NBEAL1: variants seen among roughly 807,000 people sequenced by gnomAD.
NBEAL1 encodes neurobeachin-like protein 1.
Under a neutral mutation model 351.3 loss-of-function variants are expected in NBEAL1, and 273 were observed. That is an observed-to-expected ratio of 0.78 (90% confidence interval 0.70 to 0.86). The LOEUF is 0.86. Among genes scored for constraint, NBEAL1 ranks in the 40% least tolerant of loss-of-function variants. NBEAL1 has a pLI of 0.00. For missense variants in NBEAL1, 2,961 were observed against 3,201.3 expected (o/e 0.92, Z 1.81); for synonymous variants, 1,050 against 1,086.4 (o/e 0.97, Z 0.66).
intron 4 of NBEAL1, among the ~76,000 whole-genome samples, chr2:203,052,688 C>G (rs1240275033): frequency 6.6e-6 from 1 of 151,978 alleles, no homozygotes; most frequent in Non-Finnish European, 1.5e-5. Flanking sequence ...CTCTGAGTAG[C>G]TGAGACTACA....
chr2:203,076,167 G>A (rs2061767905), intron 7 of NBEAL1, among the ~76,000 whole-genome samples: 1 of 152,068 alleles, frequency 6.6e-6, no homozygotes, highest in African/African-American at 2.4e-5. Context: ...AAATGAATTA[G>A]GCAGGTGTAT....
At chr2:203,068,750 A>G (rs1196989387) in intron 7 of NBEAL1, among the ~76,000 whole-genome samples, 1 of 151,968 alleles carries the variant, frequency 6.6e-6, no homozygotes, top group Non-Finnish European at 1.5e-5. Flanking sequence ...TTTTTTTGAG[A>G]CGAAGTCACA....
intron 45 of NBEAL1, 84 bp from the exon 46 acceptor site, chr2:203,190,193 CACACACACACACACA>C (rs2065029209): frequency 7.0e-6 from 3 of 427,596 alleles, no homozygotes; most frequent in Non-Finnish European, 1.3e-5. Flanking sequence ...CACACACACA[CACACACACACACACA>C]CCAATGAGCC....
intron 16 of NBEAL1, among the ~76,000 whole-genome samples, chr2:203,112,809 C>T (rs1427627049): frequency 2.0e-5 from 3 of 152,136 alleles, no homozygotes; most frequent in Non-Finnish European, 4.4e-5. Flanking sequence ...CATCCAAATG[C>T]TATAGGCCAA....
intron 3 of NBEAL1, among the ~76,000 whole-genome samples, chr2:203,046,401 T>G (rs1254669559): frequency 2.0e-5 from 3 of 151,996 alleles, no homozygotes; most frequent in Non-Finnish European, 4.4e-5. Flanking sequence ...GTATTTTTAG[T>G]AGACATGGGG....
intron 16 of NBEAL1, 82 bp from the exon 17 acceptor site, chr2:203,112,933 G>A (rs1419463180): frequency 8.3e-7 from 1 of 1,204,760 alleles, no homozygotes; most frequent in East Asian, 2.8e-5. Context: ...GTAATTTTAT[G>A]TACTATTTTA....
In NBEAL1 at chr2:203,128,683, C is replaced by T. The variant is rs1466925079; in HGVS notation, c.3405+746C>T. Among the ~76,000 whole-genome samples the T allele has an allele frequency of 4.6e-5, 7 of 150,652 alleles. No individual in the cohort carries two copies. In the East Asian group the frequency reaches 5.9e-4, roughly 13 times the overall value. ...CACAATCTCGGCTCACTGCAACCTCCGCCTCCCAGGTTCAAGTGATTCTCC... is the reference window on the plus strand; with the variant it reads ...CACAATCTCGGCTCACTGCAACCTCTGCCTCCCAGGTTCAAGTGATTCTCC... On this transcript the variant is annotated intron_variant, in intron 24 of 55. Transcript: ENST00000683969.
intron 31 of NBEAL1, among the ~76,000 whole-genome samples, chr2:203,141,984 G>C (rs2063394047): frequency 6.6e-6 from 1 of 152,228 alleles, no homozygotes; most frequent in East Asian, 1.9e-4. Context: ...TCATTTAGTT[G>C]TATATAGTGT....
intron 40 of NBEAL1, 58 bp from the exon 41 acceptor site, chr2:203,172,671 T>C: frequency 6.7e-7 from 1 of 1,494,082 alleles, no homozygotes; most frequent in Non-Finnish European, 9.1e-7. Context: ...ATATTAGATA[T>C]GAGGATATTA....
At chr2:203,105,426 C>T (rs2062414817) in intron 12 of NBEAL1, among the ~76,000 whole-genome samples, 1 of 151,718 alleles carries the variant, frequency 6.6e-6, no homozygotes, top group African/African-American at 2.4e-5. Context: ...GATCGCGCCA[C>T]TGCACTCCAG....
chr2:203,023,229 A>G (rs2060797302), intron 2 of NBEAL1, among the ~76,000 whole-genome samples: 1 of 152,196 alleles, frequency 6.6e-6, no homozygotes, highest in African/African-American at 2.4e-5. Flanking sequence ...TTTAAGCCAC[A>G]TTTAGTAAGT....
At chr2:203,021,787 C>T (rs951454341) in intron 2 of NBEAL1, among the ~76,000 whole-genome samples, 1 of 151,828 alleles carries the variant, frequency 6.6e-6, no homozygotes, top group Non-Finnish European at 1.5e-5. Flanking sequence ...CAGTGGCTCA[C>T]GCCTGTAATC....
intron 37 of NBEAL1, 120 bp from the exon 38 acceptor site, chr2:203,167,107 A>G (rs1490785533): frequency 2.3e-6 from 2 of 866,780 alleles, no homozygotes; most frequent in Admixed American, 2.6e-5. Flanking sequence ...AATGGTTTAT[A>G]TAGTACAGAA....
At chr2:203,155,802 AC>A (rs2063784373) in intron 35 of NBEAL1, among the ~76,000 whole-genome samples, 1 of 151,858 alleles carries the variant, frequency 6.6e-6, no homozygotes, top group South Asian at 2.1e-4. Flanking sequence ...TTTTATACCA[AC>A]TTTTAGTCTT....
chr2:203,110,160 G>C lies in NBEAL1; in HGVS notation c.1960G>C (p.Gly654Arg). Reference sequence around the variant, plus strand: ...ACGTATTTTTTTTAGTTTTTTTACAGGAAGTGGCATGGGTTTTGAAGCCTT... The same window carrying C: ...ACGTATTTTTTTTAGTTTTTTTACACGAAGTGGCATGGGTTTTGAAGCCTT... Reference protein sequence around the residue: ...KRKQLYSFFTGSGMGFEAFIT... With the variant: ...KRKQLYSFFTRSGMGFEAFIT... Residue 654 changes from glycine to arginine, a missense_variant, in exon 15 of 56, where the codon GGA becomes CGA. Transcript: ENST00000683969. 6 of 1,544,976 alleles carry C rather than the reference G, an allele frequency of 3.9e-6. No homozygotes were observed. Among genetic ancestry groups the C allele is most frequent in the Non-Finnish European group, 1.7e-6 (2 of 1,145,176 alleles).
chr2:203,015,222 T>C (rs1484324132), intron 1 of NBEAL1, among the ~76,000 whole-genome samples: 1 of 152,178 alleles, frequency 6.6e-6, no homozygotes, highest in Non-Finnish European at 1.5e-5. Context: ...TAAGTTTGCC[T>C]CTGTTTGGGT....
chr2:203,092,496 T>C (rs773354566), intron 10 of NBEAL1, among the ~76,000 whole-genome samples: 3 of 151,972 alleles, frequency 2.0e-5, no homozygotes, highest in Non-Finnish European at 4.4e-5. Context: ...ACCCAGGAGA[T>C]GGAGGTTGCA....
intron 31 of NBEAL1, among the ~76,000 whole-genome samples, chr2:203,143,361 G>A (rs2063430239): frequency 6.9e-6 from 1 of 145,140 alleles, no homozygotes; most frequent in Admixed American, 6.7e-5. Flanking sequence ...TCTGATCAAG[G>A]ACTTGGACTC....
At chr2:203,172,683 C>T in intron 40 of NBEAL1, 46 bp from the exon 41 acceptor site, 2 of 1,552,642 alleles carry the variant, frequency 1.3e-6, no homozygotes, top group East Asian at 2.3e-5. Context: ...AGGATATTAG[C>T]TTCTCTAGGA....
Sources: allele counts gnomAD v4.1 joint callset (sites outside exome capture counted in the v4.1 genomes callset), GRCh38; gene constraint gnomAD v4.1.1; transcripts MANE v1.5; gene names NCBI Gene and HGNC (gene_info 2026-07-23, HGNC 2026-07-21).